Variants in PDZRN3 observed in about 807,000 individuals in gnomAD.
The protein encoded by PDZRN3 is PDZ domain containing ring finger 3.
A neutral mutation model predicts 85.7 loss-of-function variants in PDZRN3; 38 were observed. That is an observed-to-expected ratio of 0.44 (90% CI 0.34 to 0.58). The LOEUF is 0.58. Ranked by LOEUF, PDZRN3 falls within the 20% of genes least tolerant of loss-of-function variation. The pLI, the probability that PDZRN3 is intolerant of heterozygous loss-of-function variation, is 0.01. For synonymous variants in PDZRN3, 759 were observed against 638.0 expected, an observed-to-expected ratio of 1.19 and a Z score of -2.86; for missense variants, 1,629 against 1,506.4, an observed-to-expected ratio of 1.08 and a Z score of -1.35.
chr3:73,429,371 A>G (rs571420038), intron 3 of PDZRN3, among the ~76,000 whole-genome samples: 51 of 152,366 alleles, frequency 3.3e-4, no homozygotes, highest in African/African-American at 1.2e-3. Flanking sequence ...GTGGAGGTCA[A>G]GTTTATGTTC....
At chr3:73,558,516 G>C (rs747495929) in intron 3 of PDZRN3, among the ~76,000 whole-genome samples, 1 of 152,134 alleles carries the variant, frequency 6.6e-6, no homozygotes, top group Non-Finnish European at 1.5e-5. Context: ...TCCTTCACTG[G>C]CCCTTTTGCA....
chr3:73,583,869 T>C (rs1163440650), intron 3 of PDZRN3, among the ~76,000 whole-genome samples: 1 of 152,098 alleles, frequency 6.6e-6, no homozygotes, highest in East Asian at 1.9e-4. Flanking sequence ...CAAGCAAAAA[T>C]GGCTTATTTC....
intron 3 of PDZRN3, among the ~76,000 whole-genome samples, chr3:73,573,835 A>ACC (rs1702079637): frequency 4.9e-5 from 3 of 61,310 alleles, no homozygotes; most frequent in African/African-American, 1.8e-4. Context: ...ATACATATAC[A>ACC]TATACATATA....
intron 3 of PDZRN3, among the ~76,000 whole-genome samples, chr3:73,558,598 G>A (rs1398723897): frequency 6.6e-6 from 1 of 152,066 alleles, no homozygotes; most frequent in Non-Finnish European, 1.5e-5. Context: ...TTTCCTGTTC[G>A]GTCCCGCTCC....
intron 3 of PDZRN3, among the ~76,000 whole-genome samples, chr3:73,491,221 G>A (rs577036696): frequency 7.9e-5 from 12 of 152,308 alleles, no homozygotes; most frequent in African/African-American, 2.6e-4. Context: ...AAGAATTCTT[G>A]CAGCCCATGT....
intron 3 of PDZRN3, among the ~76,000 whole-genome samples, chr3:73,407,268 T>G (rs1174719990): frequency 6.6e-6 from 1 of 152,174 alleles, no homozygotes; most frequent in Non-Finnish European, 1.5e-5. Context: ...CATGCTTTCT[T>G]GGACTTGTGG....
At chr3:73,584,983 AT>A (rs1184365231) in intron 3 of PDZRN3, among the ~76,000 whole-genome samples, 2 of 152,076 alleles carry the variant, frequency 1.3e-5, no homozygotes, top group South Asian at 2.1e-4. Flanking sequence ...CTTTAAAAAA[AT>A]TTTTTTTCAA....
intron 3 of PDZRN3, among the ~76,000 whole-genome samples, chr3:73,517,716 C>G (rs1391273851): frequency 6.6e-6 from 1 of 152,172 alleles, no homozygotes; most frequent in Non-Finnish European, 1.5e-5. Flanking sequence ...ATTTCACAAG[C>G]AAGACGATGT....
At chr3:73,491,920 G>A (rs1472978105) in intron 3 of PDZRN3, among the ~76,000 whole-genome samples, 3 of 152,078 alleles carry the variant, frequency 2.0e-5, no homozygotes, top group African/African-American at 7.2e-5. Context: ...GATTGGACCA[G>A]AGGTGCAGGG....
intron 2 of PDZRN3, among the ~76,000 whole-genome samples, chr3:73,603,886 T>TACACACACACACACATAC: frequency 6.9e-6 from 1 of 145,048 alleles, no homozygotes; most frequent in Non-Finnish European, 1.5e-5. Context: ...CACACACACA[T>TACACACACACACACATAC]ACACACACAC....
chr3:73,503,615 C>T (rs1704020544), intron 3 of PDZRN3, among the ~76,000 whole-genome samples: 1 of 152,184 alleles, frequency 6.6e-6, no homozygotes. Flanking sequence ...TAGAGGACAT[C>T]ATCTAATGCT....
At chr3:73,456,330 A>C (rs1222786982) in intron 3 of PDZRN3, among the ~76,000 whole-genome samples, 1 of 152,186 alleles carries the variant, frequency 6.6e-6, no homozygotes, top group Non-Finnish European at 1.5e-5. Flanking sequence ...TCTGACCCTG[A>C]TATCACAGGA....
At chr3:73,599,183 G>C (rs751170374) in intron 3 of PDZRN3, among the ~76,000 whole-genome samples, 2 of 152,182 alleles carry the variant, frequency 1.3e-5, no homozygotes, top group Non-Finnish European at 2.9e-5. Flanking sequence ...ACAACCAAAA[G>C]GTTAAAGCAA....
chr3:73,589,622 C>T (rs994324602), intron 3 of PDZRN3, among the ~76,000 whole-genome samples: 3 of 152,174 alleles, frequency 2.0e-5, no homozygotes, highest in African/African-American at 7.2e-5. Context: ...TATAAATAGG[C>T]TTCACAAGTA....
At position 73,602,384 on chromosome 3, in the gene PDZRN3, T is replaced by A. The variant is rs1702528339; in HGVS notation, c.888A>T (p.Gly296=). The change falls in exon 3 of 10, where the codon GGA becomes GGT. Residue 296 remains glycine, a synonymous_variant. Coordinates refer to ENST00000263666, the MANE Select transcript of PDZRN3 (RefSeq NM_015009.3). ...IVDSGPAAKE[G]GLQIHDRIIE... ...TAATCCTGTCATGAATTTGCAGGCC[T>A]CCTTCCTTGGCTGCAGGCCCACTGT... is the stretch of plus-strand genomic sequence containing the variant. The A allele has an allele frequency of 5.0e-6, 8 of 1,605,902 alleles. No homozygotes were observed. The East Asian group carries it at 1.8e-4, about 36-fold the overall frequency.
chr3:73,479,205 A>G (rs1285244961), intron 3 of PDZRN3, among the ~76,000 whole-genome samples: 1 of 152,170 alleles, frequency 6.6e-6, no homozygotes, highest in Non-Finnish European at 1.5e-5. Context: ...AGAATAACCC[A>G]GCAACTTCAA....
intron 1 of PDZRN3, among the ~76,000 whole-genome samples, chr3:73,620,111 C>T (rs1702831400): frequency 6.6e-6 from 1 of 152,334 alleles, no homozygotes; most frequent in African/African-American, 2.4e-5. Context: ...CAACAACACA[C>T]CCACACCCAA....
intron 3 of PDZRN3, among the ~76,000 whole-genome samples, chr3:73,487,359 C>A (rs766129785): frequency 6.6e-6 from 1 of 152,006 alleles, no homozygotes. Flanking sequence ...GGGGAAAAGC[C>A]ACCAATATAA....
chr3:73,425,099 C>T (rs1702285795), intron 3 of PDZRN3, among the ~76,000 whole-genome samples: 1 of 151,344 alleles, frequency 6.6e-6, no homozygotes, highest in South Asian at 2.1e-4. Context: ...ACTGCAAGCT[C>T]CACCTCCCAG....
Sources: gnomAD v4.1 joint callset for allele counts (sites outside exome capture counted in the v4.1 genomes callset) on GRCh38, gnomAD v4.1.1 for gene constraint, MANE v1.5 for transcripts, NCBI Gene and HGNC (gene_info 2026-07-23, HGNC 2026-07-21) for gene names.